Variants in GRIA1 observed in about 807,000 individuals in gnomAD.
GRIA1 encodes glutamate receptor 1.
GRIA1 carries 31 observed loss-of-function variants against 99.2 expected under a neutral mutation model. That is an observed-to-expected ratio of 0.31 (90% CI 0.23 to 0.42). GRIA1 has a LOEUF of 0.42. GRIA1 is among the 10% of genes least tolerant of loss of function. The pLI is 1.00. For synonymous variants in GRIA1, 438 were observed against 432.4 expected (o/e 1.01, Z -0.16); for missense variants, 782 against 1,157.5 (o/e 0.68, Z 4.71).
At chr5:153,516,408 G>A (rs1756632967) in intron 2 of GRIA1, among the ~76,000 whole-genome samples, 1 of 151,604 alleles carries the variant, frequency 6.6e-6, no homozygotes, top group South Asian at 2.1e-4. Context: ...AATCCCACTT[G>A]ATCCCCACAG....
intron 11 of GRIA1, among the ~76,000 whole-genome samples, chr5:153,748,548 T>C (rs1178955312): frequency 1.3e-5 from 2 of 152,178 alleles, no homozygotes; most frequent in Non-Finnish European, 2.9e-5. Flanking sequence ...GTCCTACTTA[T>C]AGTTTAAAAA....
intron 11 of GRIA1, among the ~76,000 whole-genome samples, chr5:153,727,117 C>A (rs1581548733): frequency 6.6e-6 from 1 of 152,200 alleles, no homozygotes; most frequent in East Asian, 1.9e-4. Flanking sequence ...AGCATATAAA[C>A]AGAACCAAAG....
chr5:153,511,712 G>A (rs1756094155), intron 2 of GRIA1, among the ~76,000 whole-genome samples: 1 of 152,212 alleles, frequency 6.6e-6, no homozygotes, highest in South Asian at 2.1e-4. Context: ...AGGTCACGAT[G>A]CTAACACAGA....
At chr5:153,493,676 A>G (rs1446788513) in intron 1 of GRIA1, among the ~76,000 whole-genome samples, 2 of 152,194 alleles carry the variant, frequency 1.3e-5, no homozygotes, top group Non-Finnish European at 2.9e-5. Context: ...ACTTTAGCTG[A>G]GTTGAGGGGT....
chr5:153,681,389 T>C (rs949082126), intron 7 of GRIA1, among the ~76,000 whole-genome samples: 5 of 152,138 alleles, frequency 3.3e-5, no homozygotes, highest in African/African-American at 1.2e-4. Context: ...CTATATCACG[T>C]CCCAGGCAAA....
chr5:153,642,547 T>C (rs1311881619), intron 2 of GRIA1, among the ~76,000 whole-genome samples: 2 of 150,642 alleles, frequency 1.3e-5, no homozygotes, highest in African/African-American at 4.9e-5. Flanking sequence ...CGCAACATAA[T>C]GAGATCTCAA....
intron 2 of GRIA1, among the ~76,000 whole-genome samples, chr5:153,503,133 T>C (rs1755166322): frequency 6.6e-6 from 1 of 152,230 alleles, no homozygotes; most frequent in Admixed American, 6.5e-5. Context: ...ATTTCCCTTT[T>C]TTTCTTAAAA....
chr5:153,723,208 G>A (rs1760208196), intron 11 of GRIA1, among the ~76,000 whole-genome samples: 1 of 152,210 alleles, frequency 6.6e-6, no homozygotes, highest in Non-Finnish European at 1.5e-5. Flanking sequence ...AATGTGTAAG[G>A]AAAGCTGTGG....
intron 2 of GRIA1, among the ~76,000 whole-genome samples, chr5:153,556,008 A>G (rs1489970972): frequency 2.0e-5 from 3 of 152,238 alleles, no homozygotes; most frequent in Admixed American, 1.3e-4. Context: ...TGTCAGGCAC[A>G]TGCTTTATCC....
Position 153,669,181 on chromosome 5 carries a change from T to A in GRIA1, c.700-5319T>A, listed in dbSNP as rs148644914. On this transcript the variant is annotated intron_variant, in intron 5 of 15. Transcript: ENST00000285900. ...GTTTAAGTAATTAAAGGATTATGTATATAAAGCATTTAACAGAATGCCTGA... is the reference window on the plus strand; with the variant it reads ...GTTTAAGTAATTAAAGGATTATGTAAATAAAGCATTTAACAGAATGCCTGA... Among the ~76,000 whole-genome samples, 17 of 152,334 alleles carry A rather than the reference T, an allele frequency of 1.1e-4. No individual in the cohort carries two copies. The East Asian group carries it at 3.3e-3, about 29-fold the overall frequency.
rs1181767328 is a variant in GRIA1, at chr5:153,724,967, G to A, written c.1823+18900G>A. Among the ~76,000 whole-genome samples the A allele has an allele frequency of 3.3e-5, 5 of 152,124 alleles. No homozygotes were observed. In the East Asian group the frequency reaches 9.6e-4, roughly 29 times the overall value. ...TTGTCAGATACACCAAAGTTGAAATGAAGGAAAAAATGTTAAGGGCAGCCA... is the reference window on the plus strand; with the variant it reads ...TTGTCAGATACACCAAAGTTGAAATAAAGGAAAAAATGTTAAGGGCAGCCA... On this transcript the variant is annotated intron_variant, in intron 11 of 15. Coordinates refer to ENST00000285900, the MANE Select transcript of GRIA1 (RefSeq NM_000827.4).
At chr5:153,752,746 T>C (rs11167640) in intron 11 of GRIA1, among the ~76,000 whole-genome samples, 39,639 of 152,078 alleles carry the variant, frequency 0.26, 6,588 homozygotes, top group East Asian at 0.92. Flanking sequence ...TAGAGATTCC[T>C]GTCTCCTGGT....
At chr5:153,491,624 C>T (rs472792) in intron 1 of GRIA1, among the ~76,000 whole-genome samples, 1 of 151,680 alleles carries the variant, frequency 6.6e-6, no homozygotes, top group South Asian at 2.1e-4. Context: ...GGAACTTCCT[C>T]GCCTGCCTTT....
chr5:153,773,945 T>G (rs1428453062), intron 13 of GRIA1, among the ~76,000 whole-genome samples: 3 of 152,128 alleles, frequency 2.0e-5, no homozygotes, highest in Admixed American at 6.6e-5. Context: ...GGGATTCTGC[T>G]TCTCATCTGT....
chr5:153,772,859 G>A (rs528837729), intron 13 of GRIA1, among the ~76,000 whole-genome samples: 21 of 152,242 alleles, frequency 1.4e-4, no homozygotes, highest in Middle Eastern at 3.4e-3. Flanking sequence ...TGAAGGTTTC[G>A]TGAGTCAAGG....
intron 4 of GRIA1, among the ~76,000 whole-genome samples, chr5:153,651,700 T>C (rs1754590267): frequency 6.6e-6 from 1 of 152,162 alleles, no homozygotes; most frequent in South Asian, 2.1e-4. Flanking sequence ...ATGTTATGGA[T>C]TCTTTAAGGC....
chr5:153,775,360 C>T (rs1764154846), intron 13 of GRIA1, among the ~76,000 whole-genome samples: 1 of 152,190 alleles, frequency 6.6e-6, no homozygotes, highest in Non-Finnish European at 1.5e-5. Flanking sequence ...CTAATCAGGA[C>T]ATTGGTCAAA....
intron 2 of GRIA1, among the ~76,000 whole-genome samples, chr5:153,590,506 A>ATGTGTG (rs5872325): frequency 0.028 from 4,098 of 147,824 alleles, 64 homozygotes; most frequent in Non-Finnish European, 0.038. Flanking sequence ...AGCTATTGAA[A>ATGTGTG]TGTGTGTGTG....
chr5:153,736,790 A>C (rs1344156696), intron 11 of GRIA1, among the ~76,000 whole-genome samples: 4 of 152,150 alleles, frequency 2.6e-5, no homozygotes, highest in Non-Finnish European at 4.4e-5. Context: ...ATTGCCCTGA[A>C]AAAAATATAG....
Sources: gnomAD v4.1 joint callset for allele counts (sites outside exome capture counted in the v4.1 genomes callset) on GRCh38, gnomAD v4.1.1 for gene constraint, MANE v1.5 for transcripts, NCBI Gene and HGNC (gene_info 2026-07-23, HGNC 2026-07-21) for gene names.